SIL1: variants seen among roughly 807,000 people sequenced by gnomAD.
SIL1 encodes the protein nucleotide exchange factor SIL1.
A neutral mutation model predicts 49.1 loss-of-function variants in SIL1; 40 were observed. The ratio of observed to expected loss-of-function variants is 0.81; its 90% CI spans 0.63 to 1.06. The LOEUF (loss-of-function observed/expected upper bound fraction) is 1.06, where lower values mean the gene tolerates loss of function less well. Among genes scored for constraint, SIL1 ranks in the 50% least tolerant of loss-of-function variants. The probability of loss-of-function intolerance (pLI) is 0.00; values close to 1 mark genes in which losing one functional copy is unlikely to be tolerated. For synonymous variants in SIL1, 253 were observed against 250.8 expected (o/e 1.01, Z -0.08); for missense variants, 500 against 572.6 (o/e 0.87, Z 1.29).
intron 3 of SIL1, among the ~76,000 whole-genome samples, chr5:139,089,835 G>A (rs1770304268): frequency 6.6e-6 from 1 of 152,204 alleles, no homozygotes; most frequent in African/African-American, 2.4e-5. Flanking sequence ...CAGCGGGTAT[G>A]GGATTTCCTT....
At chr5:139,012,339 A>C (rs1267307367) in intron 7 of SIL1, 1 of 152,192 alleles carries the variant, frequency 6.6e-6, no homozygotes, top group Non-Finnish European at 1.5e-5. Context: ...ATCTATGACC[A>C]TGCTACCCTG....
chr5:138,951,652 A>AC, intron 8 of SIL1, 136 bp downstream of exon 8: 1 of 868,332 alleles, frequency 1.2e-6, no homozygotes, highest in Non-Finnish European at 1.9e-6. Flanking sequence ...GTTGAGTGTA[A>AC]CTTCTCCCCC....
chr5:139,193,592 G>T (rs1179469906), intron 1 of SIL1, among the ~76,000 whole-genome samples: 1 of 152,020 alleles, frequency 6.6e-6, no homozygotes. Context: ...CTGGGGAGTA[G>T]ACAATTAAGG....
chr5:139,101,183 C>A (rs1388446316), intron 3 of SIL1, among the ~76,000 whole-genome samples: 3 of 152,140 alleles, frequency 2.0e-5, no homozygotes, highest in African/African-American at 7.2e-5. Context: ...TTAACTCTCC[C>A]TCACCTCTCT....
At chr5:138,951,394 C>T in intron 8 of SIL1, 59 bp from the exon 9 acceptor site, 1 of 1,527,466 alleles carries the variant, frequency 6.5e-7, no homozygotes, top group South Asian at 1.2e-5. Flanking sequence ...TGCCCTGAGG[C>T]CCAGGGAAGG....
At chr5:139,107,953 G>C (rs1770754887) in intron 3 of SIL1, 1 of 152,142 alleles carries the variant, frequency 6.6e-6, no homozygotes, top group African/African-American at 2.4e-5. Context: ...AGCTATAAAA[G>C]ACAGAGCAGA....
chr5:139,141,311 G>T (rs150796032), intron 1 of SIL1, among the ~76,000 whole-genome samples: 16 of 152,124 alleles, frequency 1.1e-4, no homozygotes, highest in Non-Finnish European at 1.8e-4. Flanking sequence ...AAATAACACT[G>T]CCATTAAAAT....
intron 3 of SIL1, among the ~76,000 whole-genome samples, chr5:139,107,589 G>A (rs1770745790): frequency 6.6e-6 from 1 of 152,118 alleles, no homozygotes; most frequent in Non-Finnish European, 1.5e-5. Context: ...TCTAATCCAG[G>A]ATATCACACT....
At chr5:138,956,658 G>A (rs1411399921) in intron 7 of SIL1, among the ~76,000 whole-genome samples, 2 of 151,240 alleles carry the variant, frequency 1.3e-5, no homozygotes, top group Non-Finnish European at 2.9e-5. Flanking sequence ...CAGGAGAATC[G>A]CTTGAACCCA....
chr5:139,122,301 C>T (rs1333725589), intron 2 of SIL1, among the ~76,000 whole-genome samples: 2 of 152,074 alleles, frequency 1.3e-5, no homozygotes. Context: ...TCAACTAACA[C>T]CTCATTCTCA....
At chr5:138,952,789 G>A (rs1002118395) in intron 7 of SIL1, among the ~76,000 whole-genome samples, 1 of 152,272 alleles carries the variant, frequency 6.6e-6, no homozygotes, top group Non-Finnish European at 1.5e-5. Flanking sequence ...AAGGGATGAG[G>A]GGCCTGGCGG....
chr5:139,145,836 A>G lies in SIL1; in HGVS notation c.-10-17983T>C, dbSNP rs1006430846. Among the ~76,000 whole-genome samples the G allele has an allele frequency of 9.2e-5, 14 of 152,058 alleles. 1 individual carries two copies. The highest frequency in any genetic ancestry group is 3.1e-4 in the African/African-American group (13 of 41,394). Reference sequence around the variant, plus strand: ...TGTGGTGGCCCACTAAAGTGGGAGGATAGCTTGAGCCCAGGGGTTTGAGGC... The same window carrying G: ...TGTGGTGGCCCACTAAAGTGGGAGGGTAGCTTGAGCCCAGGGGTTTGAGGC... On this transcript the variant is annotated intron_variant, in intron 1 of 9. Coordinates refer to ENST00000394817, the MANE Select transcript of SIL1 (RefSeq NM_022464.5).
chr5:139,114,726 T>C (rs1408505323), intron 3 of SIL1, among the ~76,000 whole-genome samples: 1 of 152,176 alleles, frequency 6.6e-6, no homozygotes, highest in Non-Finnish European at 1.5e-5. Context: ...GCACCAAAAG[T>C]AAGCTCTGTT....
At chr5:139,045,513 C>G (rs1769139262) in intron 4 of SIL1, among the ~76,000 whole-genome samples, 1 of 152,160 alleles carries the variant, frequency 6.6e-6, no homozygotes, top group South Asian at 2.1e-4. Context: ...ATCTTCTCCA[C>G]CTCGACATCC....
At chr5:139,001,418 A>G (rs1471056624) in intron 7 of SIL1, among the ~76,000 whole-genome samples, 1 of 152,260 alleles carries the variant, frequency 6.6e-6, no homozygotes, top group Non-Finnish European at 1.5e-5. Flanking sequence ...ACTCATTGCA[A>G]CATTGTGTAT....
intron 7 of SIL1, among the ~76,000 whole-genome samples, chr5:138,952,429 G>C: frequency 6.6e-6 from 1 of 152,226 alleles, no homozygotes; most frequent in Admixed American, 6.5e-5. Context: ...GAAAGTGCAA[G>C]AGACAGGAGC....
Position 139,127,853 on chromosome 5 carries a change from C to G in SIL1, c.-10G>C, listed in dbSNP as rs199951755. On this transcript the variant is annotated splice_region_variant and 5_prime_UTR_variant, in exon 2 of 10. Transcript: ENST00000394817. ...GGCTCTGGGGAGCCATAGTCAGGGA[C>G]CTGCAGGTGCAAGCATAGACAACAG... 9 of 1,574,368 alleles carry G rather than the reference C, an allele frequency of 5.7e-6. No homozygotes were observed. The highest frequency in any genetic ancestry group is 6.1e-6 in the Non-Finnish European group (7 of 1,153,668).
intron 5 of SIL1, among the ~76,000 whole-genome samples, chr5:139,039,730 T>C (rs1768997018): frequency 6.6e-6 from 1 of 152,178 alleles, no homozygotes; most frequent in Non-Finnish European, 1.5e-5. Flanking sequence ...AATAAGTCTA[T>C]TACATCTTGC....
chr5:139,155,180 A>C (rs1485359461), intron 1 of SIL1: 1 of 152,262 alleles, frequency 6.6e-6, no homozygotes, highest in African/African-American at 2.4e-5. Context: ...AATTAGGAAT[A>C]ATTTCAGAGT....
Sources: allele counts gnomAD v4.1 joint callset (sites outside exome capture counted in the v4.1 genomes callset), GRCh38; gene constraint gnomAD v4.1.1; transcripts MANE v1.5; gene names NCBI Gene and HGNC (gene_info 2026-07-23, HGNC 2026-07-21).